PHF24: variants seen among roughly 807,000 people sequenced by gnomAD.
The protein encoded by PHF24 is PHD finger protein 24, also known as Galpha inhibitory interacting protein.
In PHF24, 25 loss-of-function variants were observed where a neutral mutation model predicts 42.6. The ratio of observed to expected loss-of-function variants is 0.59; its 90% CI spans 0.43 to 0.82. The LOEUF is 0.82. Ranked by LOEUF, PHF24 falls within the 40% of genes least tolerant of loss-of-function variation. The pLI, the probability that PHF24 is intolerant of heterozygous loss-of-function variation, is 0.00. For missense variants in PHF24, 470 were observed against 538.1 expected (o/e 0.87, Z 1.25); for synonymous variants, 185 against 204.8 (o/e 0.90, Z 0.83).
the PHF24 span, among the ~76,000 whole-genome samples, chr9:34,937,249 CGTGTCT>C: frequency 2.6e-5 from 4 of 152,134 alleles, no homozygotes; most frequent in Non-Finnish European, 5.9e-5. Context: ...GGATGGTTGC[CGTGTCT>C]GTGTAGAAAG....
chr9:34,840,253 C>G, the PHF24 span, among the ~76,000 whole-genome samples: 1 of 152,124 alleles, frequency 6.6e-6, no homozygotes, highest in African/African-American at 2.4e-5. Context: ...ATCCTTGTCT[C>G]TCATCTCTCA....
exon 8 of PHF24, chr9:34,978,073 C>T (rs754123176): frequency 1.5e-5 from 25 of 1,614,052 alleles, no homozygotes. Flanking sequence ...GGCTGCTCGC[C>T]CCAACAGCGC....
At chr9:34,894,223 G>A in the PHF24 span, among the ~76,000 whole-genome samples, 1 of 152,146 alleles carries the variant, frequency 6.6e-6, no homozygotes, top group East Asian at 1.9e-4. Context: ...TAGAACTACT[G>A]TGACCCTAGC....
chr9:34,938,773 C>CAA, the PHF24 span, among the ~76,000 whole-genome samples: 15 of 143,030 alleles, frequency 1.0e-4, no homozygotes, highest in South Asian at 4.5e-4. Flanking sequence ...ACTAAAAATA[C>CAA]AAAAAAAAAA....
chr9:34,935,030 C>T, the PHF24 span, among the ~76,000 whole-genome samples: 3 of 152,102 alleles, frequency 2.0e-5, no homozygotes, highest in Non-Finnish European at 4.4e-5. Context: ...CCTGAGTCAA[C>T]ATTTAGAGAT....
the PHF24 span, chr9:34,833,304 C>T: frequency 8.4e-6 from 13 of 1,551,460 alleles, no homozygotes; most frequent in Non-Finnish European, 8.7e-6. Context: ...GTCATGTCCC[C>T]ACTGGGTTGT....
At chr9:34,930,594 GTATTTATGAAGA>G in the PHF24 span, among the ~76,000 whole-genome samples, 3 of 152,292 alleles carry the variant, frequency 2.0e-5, no homozygotes, top group East Asian at 5.8e-4. Context: ...TTTACTCCTG[GTATTTATGAAGA>G]TTTCTAGCAA....
chr9:34,977,963 C>T (rs1368195609), intron 7 of PHF24, 52 bp from the exon 8 acceptor site: 7 of 1,385,428 alleles, frequency 5.1e-6, no homozygotes, highest in Non-Finnish European at 7.2e-6. Flanking sequence ...GGGATCAGGG[C>T]TCACGTGTCT....
the PHF24 span, among the ~76,000 whole-genome samples, chr9:34,946,915 C>T: frequency 6.6e-6 from 1 of 152,186 alleles, no homozygotes; most frequent in Non-Finnish European, 1.5e-5. Context: ...CAAAAGTTCC[C>T]AGGTCCTAAG....
the PHF24 span, among the ~76,000 whole-genome samples, chr9:34,698,316 A>G: frequency 6.6e-6 from 1 of 152,152 alleles, no homozygotes; most frequent in Non-Finnish European, 1.5e-5. Flanking sequence ...TGAAATTTCC[A>G]GGCTATGGAG....
At chr9:34,895,308 C>T in the PHF24 span, among the ~76,000 whole-genome samples, 1 of 152,150 alleles carries the variant, frequency 6.6e-6, no homozygotes, top group South Asian at 2.1e-4. Context: ...CACCCCCATT[C>T]CTTTCATAAG....
intron 3 of PHF24, among the ~76,000 whole-genome samples, chr9:34,975,091 A>G (rs951218640): frequency 4.6e-5 from 7 of 152,210 alleles, no homozygotes; most frequent in African/African-American, 1.7e-4. Context: ...GCAGCCAGAG[A>G]TCTGACCACG....
chr9:34,849,160 A>G, the PHF24 span, among the ~76,000 whole-genome samples: 4 of 151,946 alleles, frequency 2.6e-5, no homozygotes, highest in Non-Finnish European at 2.9e-5. Flanking sequence ...TATCCTTGTT[A>G]ACTTTCTGTC....
chr9:34,973,437 C>G (rs970393394), intron 3 of PHF24, among the ~76,000 whole-genome samples: 4 of 152,340 alleles, frequency 2.6e-5, no homozygotes, highest in Non-Finnish European at 2.9e-5. Flanking sequence ...TAAATGCCTT[C>G]TAACTTTTAA....
intron 1 of PHF24, among the ~76,000 whole-genome samples, chr9:34,959,189 C>G (rs950415130): frequency 7.9e-5 from 12 of 152,112 alleles, no homozygotes; most frequent in African/African-American, 2.7e-4. Context: ...GATTTGAGCC[C>G]CTAGGTTTGA....
At chr9:34,974,688 A>T (rs1456023114) in intron 3 of PHF24, among the ~76,000 whole-genome samples, 1 of 152,076 alleles carries the variant, frequency 6.6e-6, no homozygotes, top group African/African-American at 2.4e-5. Flanking sequence ...ATCTACAGCC[A>T]CCATCTAAAC....
the PHF24 span, among the ~76,000 whole-genome samples, chr9:34,948,386 C>T: frequency 6.6e-6 from 1 of 152,124 alleles, no homozygotes; most frequent in Admixed American, 6.5e-5. Flanking sequence ...TTTCCTAGGC[C>T]TTCACATTCA....
chr9:34,903,059 C>T, the PHF24 span, among the ~76,000 whole-genome samples: 4 of 152,162 alleles, frequency 2.6e-5, no homozygotes, highest in African/African-American at 9.7e-5. Context: ...ACCAGCCAGA[C>T]CCAGGTATTG....
At chr9:34,791,632 C>T in the PHF24 span, among the ~76,000 whole-genome samples, 29 of 150,060 alleles carry the variant, frequency 1.9e-4, no homozygotes, top group African/African-American at 7.1e-4. Flanking sequence ...CTGGGCACTC[C>T]AACATTCAGA....
Sources: allele counts gnomAD v4.1 joint callset (sites outside exome capture counted in the v4.1 genomes callset), GRCh38; gene constraint gnomAD v4.1.1; transcripts MANE v1.5; gene names NCBI Gene and HGNC (gene_info 2026-07-23, HGNC 2026-07-21).